Variants in ZNF841 observed in about 807,000 individuals in gnomAD.
ZNF841 encodes zinc finger protein 841, also known as TCONS_00006091.
Under a neutral mutation model 13.0 loss-of-function variants are expected in ZNF841, and 11 were observed. The observed-to-expected ratio is 0.85, with a 90% CI of 0.53 to 1.40. The LOEUF (loss-of-function observed/expected upper bound fraction) is 1.40. ZNF841 is among the 40% of genes most tolerant of loss of function. ZNF841 has a pLI of 0.00. For missense variants in ZNF841, 1,068 were observed against 1,139.5 expected (o/e 0.94, Z 0.90); for synonymous variants, 369 against 381.6 (o/e 0.97, Z 0.38).
chr19:52,089,786 C>T (rs2088411314), intron 2 of ZNF841, among the ~76,000 whole-genome samples: 1 of 152,196 alleles, frequency 6.6e-6, no homozygotes, highest in Non-Finnish European at 1.5e-5. Context: ...GGTGCACACA[C>T]CATACCATGG....
intron 3 of ZNF841, among the ~76,000 whole-genome samples, chr19:52,088,208 G>C (rs1343348856): frequency 6.6e-6 from 1 of 152,034 alleles, no homozygotes; most frequent in East Asian, 1.9e-4. Context: ...CAAGACCAAC[G>C]AACCAACCCT....
chr19:52,072,292 C>G (rs918947113), intron 6 of ZNF841, among the ~76,000 whole-genome samples: 12 of 152,084 alleles, frequency 7.9e-5, no homozygotes, highest in Admixed American at 1.3e-4. Context: ...AGAAGAAAAA[C>G]AAGGAACTAG....
intron 2 of ZNF841, among the ~76,000 whole-genome samples, chr19:52,090,805 C>A (rs548615005): frequency 6.6e-6 from 1 of 152,184 alleles, no homozygotes; most frequent in Non-Finnish European, 1.5e-5. Flanking sequence ...GATTAAACAG[C>A]AAACTGTTTA....
At chr19:52,075,936 G>A in intron 6 of ZNF841, 108 bp downstream of exon 6, 1 of 1,406,896 alleles carries the variant, frequency 7.1e-7, no homozygotes, top group South Asian at 1.4e-5. Flanking sequence ...AAAACTTCTG[G>A]AGCTCACAGA....
chr19:52,079,155 T>C (rs554472717), intron 4 of ZNF841, among the ~76,000 whole-genome samples: 115 of 152,200 alleles, frequency 7.6e-4, no homozygotes, highest in African/African-American at 2.7e-3. Flanking sequence ...TTTAAAAGTA[T>C]ATAAACTTTT....
In ZNF841 at chr19:52,079,829, T is replaced by C. The variant is rs550894572; in HGVS notation, c.16-2745A>G. Among the ~76,000 whole-genome samples the C allele has an allele frequency of 4.1e-3, 629 of 151,970 alleles. 5 individuals carry two copies. The highest frequency in any genetic ancestry group is 6.4e-3 in the Non-Finnish European group (433 of 67,948). On this transcript the variant is annotated intron_variant, in intron 4 of 6. Transcript: ENST00000594440. ...CAACATGGAGAAATCCCGTCTCTACTAAAAATACAAAATTAGCCGAGCATG... is the reference window on the plus strand; with the variant it reads ...CAACATGGAGAAATCCCGTCTCTACCAAAAATACAAAATTAGCCGAGCATG...
Position 52,065,443 on chromosome 19 carries a change from C to G in ZNF841, c.2439G>C (p.Met813Ile), listed in dbSNP as rs539659092. The G allele has an allele frequency of 2.5e-6, 4 of 1,613,344 alleles. No individual in the cohort carries two copies. In the South Asian group the frequency reaches 4.4e-5, roughly 18 times the overall value. Residue 813 changes from methionine to isoleucine, a missense_variant, in exon 7 of 7, where the codon ATG becomes ATC. Coordinates refer to ENST00000594440, the MANE Select transcript of ZNF841 (RefSeq NM_001136499.2). Reference sequence around the variant, plus strand: ...TATAAGGTTTCTCTCCAGTATGCATCATCTGATGATTAAGCAGAATTGAAC... The same window carrying G: ...TATAAGGTTTCTCTCCAGTATGCATGATCTGATGATTAAGCAGAATTGAAC... ...RVRSILLNHQ[M>I]MHTGEKPYKC...
chr19:52,074,488 A>T (rs376083122), intron 6 of ZNF841, among the ~76,000 whole-genome samples: 1 of 152,178 alleles, frequency 6.6e-6, no homozygotes, highest in Admixed American at 6.6e-5. Flanking sequence ...GCAGAGATGA[A>T]GCTGTGAACC....
At chr19:52,059,878 T>C (rs2087369911), downstream of ZNF841, among the ~76,000 whole-genome samples, 1 of 152,236 alleles carries the variant, frequency 6.6e-6, no homozygotes, top group Non-Finnish European at 1.5e-5. Flanking sequence ...AAAGTACCTC[T>C]GATTGGTTGC....
At chr19:52,087,164 T>TA (rs1568547737) in intron 3 of ZNF841, among the ~76,000 whole-genome samples, 1 of 152,238 alleles carries the variant, frequency 6.6e-6, no homozygotes, top group Non-Finnish European at 1.5e-5. Context: ...AATGACACAG[T>TA]TAAACAAATT....
rs2087551790 is a variant in ZNF841, at chr19:52,066,143, T to G, written c.1739A>C (p.Tyr580Ser). ...TTGATGACGTGCTAGGCATGAATAGTAAGTGAAGACCATGCCACATTTATT... is the reference window on the plus strand; with the variant it reads ...TTGATGACGTGCTAGGCATGAATAGGAAGTGAAGACCATGCCACATTTATT... ...HCNKCGMVFT[Y>S]YSCLARHQRM... The change falls in exon 7 of 7, where the codon TAC becomes TCC. Residue 580 changes from tyrosine (Y) to serine (S), a missense_variant. Physicochemically the swap from Tyr to Ser is moderately radical, Grantham distance 144. Transcript: ENST00000594440. 6.2e-7 allele frequency: 1 copy of G among 1,613,872 alleles called. No homozygotes were observed. Among genetic ancestry groups the G allele is most frequent in the African/African-American group, 1.3e-5 (1 of 74,866 alleles).
chr19:52,064,372 A>AC (rs1568532458), downstream of ZNF841: 10 of 129,132 alleles, frequency 7.7e-5, no homozygotes, highest in African/African-American at 4.3e-4. Flanking sequence ...AAAAAAAAAA[A>AC]AAAAAAAAAA....
At chr19:52,062,593 G>C (rs1021016972), downstream of ZNF841, among the ~76,000 whole-genome samples, 1 of 152,122 alleles carries the variant, frequency 6.6e-6, no homozygotes, top group African/African-American at 2.4e-5. Context: ...CACAATGAAA[G>C]ATGTGTAGGA....
In ZNF841 at chr19:52,067,614, C is replaced by A; in HGVS notation, c.272-4G>T. Reference sequence around the variant, plus strand: ...ATCACACATTTAGGAGAGATACCTGCAAAATATAATGAACATGGGGTTTTA... The same window carrying A: ...ATCACACATTTAGGAGAGATACCTGAAAAATATAATGAACATGGGGTTTTA... On this transcript the variant is annotated splice_region_variant and splice_polypyrimidine_tract_variant and intron_variant, in intron 6 of 6. Coordinates refer to ENST00000594440, the MANE Select transcript of ZNF841 (RefSeq NM_001136499.2). 6.8e-7 allele frequency: 1 copy of A among 1,478,428 alleles called. No homozygotes were observed. The highest frequency in any genetic ancestry group is 9.0e-7 in the Non-Finnish European group (1 of 1,114,806). 91.6% of individuals were successfully genotyped at this position (1,478,428 alleles called of 1,614,324 possible).
At chr19:52,080,370 A>C (rs1251548216) in intron 4 of ZNF841, among the ~76,000 whole-genome samples, 1 of 152,226 alleles carries the variant, frequency 6.6e-6, no homozygotes, top group Admixed American at 6.5e-5. Flanking sequence ...GACATAAAGC[A>C]AACAGTATAG....
intron 4 of ZNF841, among the ~76,000 whole-genome samples, chr19:52,078,481 C>T (rs1255256727): frequency 6.6e-6 from 1 of 151,984 alleles, no homozygotes; most frequent in Non-Finnish European, 1.5e-5. Flanking sequence ...GGGCGGATCA[C>T]AAGGTCAGGA....
chr19:52,081,318 C>T (rs559767292), intron 4 of ZNF841, among the ~76,000 whole-genome samples: 1 of 152,178 alleles, frequency 6.6e-6, no homozygotes, highest in African/African-American at 2.4e-5. Context: ...CAGATGAAAC[C>T]ATCCATTTTT....
Position 52,067,518 on chromosome 19 carries a change from C to T in ZNF841, c.364G>A (p.Glu122Lys). The T allele has an allele frequency of 6.3e-7, 1 of 1,599,100 alleles. No individual in the cohort carries two copies. The highest frequency in any genetic ancestry group is 1.7e-4 in the Middle Eastern group (1 of 6,030). ...TAAAAATTTTCAGTGTCATAGCTTT[C>T]ATGTCCTTCCAACATCACTGCTTGG... is the stretch of plus-strand genomic sequence containing the variant. ...KFQAVMLEGH[E>K]SYDTENFYFR... The change falls in exon 7 of 7, where the codon GAA becomes AAA. Residue 122 changes from glutamate to lysine, a missense_variant. Coordinates refer to ENST00000594440, the MANE Select transcript of ZNF841 (RefSeq NM_001136499.2).
intron 6 of ZNF841, among the ~76,000 whole-genome samples, chr19:52,072,673 G>A (rs1002557457): frequency 2.6e-5 from 4 of 152,026 alleles, no homozygotes; most frequent in Non-Finnish European, 5.9e-5. Context: ...GAAACCCTCA[G>A]CCAAGCATGG....
Sources: allele counts gnomAD v4.1 joint callset (sites outside exome capture counted in the v4.1 genomes callset), GRCh38; gene constraint gnomAD v4.1.1; transcripts MANE v1.5; gene names NCBI Gene and HGNC (gene_info 2026-07-23, HGNC 2026-07-21).